Variants in PARD6G observed in about 807,000 individuals in gnomAD.
PARD6G encodes the protein partitioning defective 6 homolog gamma.
PARD6G carries 7 observed loss-of-function variants against 10.7 expected under a neutral mutation model. The ratio of observed to expected loss-of-function variants is 0.66; its 90% CI spans 0.37 to 1.23. The LOEUF (loss-of-function observed/expected upper bound fraction) is 1.23. Ranked by LOEUF, PARD6G falls within the 50% of genes most tolerant of loss-of-function variation. The pLI is 0.02. For missense variants in PARD6G, 548 were observed against 571.8 expected, an observed-to-expected ratio of 0.96 and a Z score of 0.42; for synonymous variants, 287 against 269.4, an observed-to-expected ratio of 1.07 and a Z score of -0.64.
In PARD6G at chr18:80,228,482, C is replaced by A. The variant is rs1286014801; in HGVS notation, c.72+18795G>T. On this transcript the variant is annotated intron_variant, in intron 1 of 2. Coordinates refer to ENST00000353265, the MANE Select transcript of PARD6G (RefSeq NM_032510.4). This position sits in a 1 kb window ranked among gnomAD's most constrained non-coding sequence, Gnocchi z 4.6. Reference sequence around the variant, plus strand: ...CACATTGTCTGCAAGGGGTCCCCACCCCCACAAGGCCCGCCCACCCCAGGC... The same window carrying A: ...CACATTGTCTGCAAGGGGTCCCCACACCCACAAGGCCCGCCCACCCCAGGC... Among the ~76,000 whole-genome samples the A allele has an allele frequency of 6.6e-6, 1 of 152,136 alleles. No homozygotes were observed. Among genetic ancestry groups the A allele is most frequent in the Non-Finnish European group, 1.5e-5 (1 of 68,008 alleles).
At chr18:80,172,600 G>T (rs887505219) in intron 2 of PARD6G, among the ~76,000 whole-genome samples, 1 of 152,144 alleles carries the variant, frequency 6.6e-6, no homozygotes, top group Non-Finnish European at 1.5e-5. Flanking sequence ...GGCCAGGCTG[G>T]TCTTGAACTC....
At chr18:80,243,976 C>T (rs904002071) in intron 1 of PARD6G, among the ~76,000 whole-genome samples, 1 of 152,096 alleles carries the variant, frequency 6.6e-6, no homozygotes, top group African/African-American at 2.4e-5. Context: ...CAAGCTCATG[C>T]GGACGACAGT....
At chr18:80,187,236 C>T (rs2052884850) in intron 2 of PARD6G, among the ~76,000 whole-genome samples, 1 of 152,188 alleles carries the variant, frequency 6.6e-6, no homozygotes, top group African/African-American at 2.4e-5. Flanking sequence ...CAGTGTCCTG[C>T]TCTGCCTGGC....
At chr18:80,217,522 A>G (rs551415094) in intron 1 of PARD6G, among the ~76,000 whole-genome samples, 5 of 152,360 alleles carry the variant, frequency 3.3e-5, no homozygotes, top group African/African-American at 1.2e-4. Context: ...TAATGTTGAT[A>G]GCATGTATCT....
In PARD6G at chr18:80,231,790, C is replaced by T. The variant is rs1008002336; in HGVS notation, c.72+15487G>A. On this transcript the variant is annotated intron_variant, in intron 1 of 2. Transcript: ENST00000353265. This position sits in a 1 kb window ranked among gnomAD's most constrained non-coding sequence, Gnocchi z 4.2. ...GTTTGTTCTCCCCCAGGCCTAGAGA[C>T]GGGTTCGGCATCTCACAGGCATCCA... Among the ~76,000 whole-genome samples the T allele has an allele frequency of 1.1e-4, 17 of 152,128 alleles. No homozygotes were observed. Among genetic ancestry groups the T allele is most frequent in the East Asian group, 3.9e-4 (2 of 5,180 alleles).
At chr18:80,165,756 T>C (rs1389052043) in intron 2 of PARD6G, among the ~76,000 whole-genome samples, 4 of 152,212 alleles carry the variant, frequency 2.6e-5, no homozygotes, top group Admixed American at 6.5e-5. Context: ...GGTGTTGAAC[T>C]GTTAACCTCC....
chr18:80,166,386 T>C (rs946844086), intron 2 of PARD6G, among the ~76,000 whole-genome samples: 4 of 151,358 alleles, frequency 2.6e-5, no homozygotes, highest in African/African-American at 9.7e-5. Context: ...GGCGACACAG[T>C]CTGGGGCACG....
Position 80,194,141 on chromosome 18 carries a change from C to T in PARD6G, c.295+8569G>A, listed in dbSNP as rs1035827097. Among the ~76,000 whole-genome samples the T allele has an allele frequency of 5.9e-5, 9 of 152,318 alleles. No homozygotes were observed. In the South Asian group the frequency reaches 8.3e-4, roughly 14 times the overall value. On this transcript the variant is annotated intron_variant, in intron 2 of 2. Coordinates refer to ENST00000353265, the MANE Select transcript of PARD6G (RefSeq NM_032510.4). ...TAATATAGGTATACAATTTCTACAA[C>T]GAGCTACTTTTCATTAGTGTATATT... is the stretch of plus-strand genomic sequence containing the variant.
rs1289421627 is a variant in PARD6G at position 80,165,260 on chromosome 18, GTATTAA to G, written c.296-4660_296-4655del. On this transcript the variant is annotated intron_variant, in intron 2 of 2. Coordinates refer to ENST00000353265, the MANE Select transcript of PARD6G (RefSeq NM_032510.4). ...CCTAGGAATGCATTCCTTTCCCAGG[GTATTAA>G]TATTAATATTCCTTGCTAAGAAAAG... Among the ~76,000 whole-genome samples, 6 of 152,200 alleles carry G rather than the reference GTATTAA, an allele frequency of 3.9e-5. No individual in the cohort carries two copies. The East Asian group carries it at 9.7e-4, about 24-fold the overall frequency.
chr18:80,159,795 C>A lies in PARD6G; in HGVS notation c.1107G>T (p.Glu369Asp). The stretch of plus-strand genomic sequence containing the variant: ...TCTAGAGCGTGACCGCGGGCCCGTG[C>A]TCCTCCACGCCGCCTGGCGGCAGCG... ...SLALPPGGVE[E>D]HGPAVTL The change falls in exon 3 of 3, where the codon GAG becomes GAT. Residue 369 changes from glutamate to aspartate, a missense_variant. By Grantham distance (45) the Glu-to-Asp change is conservative (BLOSUM62 2). Transcript: ENST00000353265. 1 of 1,447,700 alleles carries A rather than the reference C, an allele frequency of 6.9e-7. No individual in the cohort carries two copies. The highest frequency in any genetic ancestry group is 1.5e-5 in the South Asian group (1 of 67,816). The allele number at this position is 1,447,700 out of a possible 1,614,324, so 89.7% of individuals were successfully genotyped here.
intron 1 of PARD6G, among the ~76,000 whole-genome samples, chr18:80,224,949 T>G (rs1967275718): frequency 6.6e-6 from 1 of 152,166 alleles, no homozygotes; most frequent in African/African-American, 2.4e-5. Flanking sequence ...AGGCTGGAAC[T>G]AAGACCCTCA....
Position 80,227,918 on chromosome 18 carries a change from G to C in PARD6G, c.72+19359C>G, listed in dbSNP as rs543390896. On this transcript the variant is annotated intron_variant, in intron 1 of 2. Transcript: ENST00000353265. ...ACCAGACCACCAGGGCTTCAGAAAGGCCAGGAGGTTCACAGAAGTGTTCTC... is the reference window on the plus strand; with the variant it reads ...ACCAGACCACCAGGGCTTCAGAAAGCCCAGGAGGTTCACAGAAGTGTTCTC... Among the ~76,000 whole-genome samples, 74 of 152,220 alleles carry C rather than the reference G, an allele frequency of 4.9e-4. 2 individuals carry two copies. The highest frequency in any genetic ancestry group is 3.9e-3 in the Admixed American group (60 of 15,288).
intron 2 of PARD6G, 78 bp from the exon 3 acceptor site, chr18:80,160,684 G>C (rs2052694476): frequency 4.9e-6 from 7 of 1,420,538 alleles, no homozygotes; most frequent in Admixed American, 6.2e-5. Context: ...ACCTGGCACT[G>C]CTGTTCCATC....
At chr18:80,203,257 T>C (rs1019495842) in intron 1 of PARD6G, among the ~76,000 whole-genome samples, 2 of 152,214 alleles carry the variant, frequency 1.3e-5, no homozygotes, top group Non-Finnish European at 2.9e-5. Flanking sequence ...GAATTTAAAA[T>C]GTTGTATTAA....
intron 1 of PARD6G, among the ~76,000 whole-genome samples, chr18:80,205,483 G>A (rs1430184720): frequency 6.6e-6 from 1 of 152,172 alleles, no homozygotes; most frequent in Admixed American, 6.5e-5. Context: ...CTGGTGGGAG[G>A]TGACTGGATC....
chr18:80,171,356 C>G (rs890173255), intron 2 of PARD6G: 1 of 152,188 alleles, frequency 6.6e-6, no homozygotes, highest in Admixed American at 6.5e-5. Context: ...CAGGAGACAC[C>G]GGCGCATCCA....
intron 2 of PARD6G, among the ~76,000 whole-genome samples, chr18:80,190,978 G>C (rs1966892040): frequency 6.6e-6 from 1 of 152,126 alleles, no homozygotes; most frequent in Admixed American, 6.5e-5. Context: ...ACCCACCAGG[G>C]GCCAGACATT....
chr18:80,247,355 G>T lies in PARD6G; in HGVS notation c.-7C>A, dbSNP rs1202189131. 6.4e-7 allele frequency: 1 copy of T among 1,563,446 alleles called. No individual in the cohort carries two copies. The highest frequency in any genetic ancestry group is 8.7e-7 in the Non-Finnish European group (1 of 1,154,632). ...TGTGAAAACTTCGGTTCATGGTTTC[G>T]GCCCCGGTCAGCCTCGCCGTCGCCC... is the stretch of plus-strand genomic sequence containing the variant. On this transcript the variant is annotated 5_prime_UTR_variant, in exon 1 of 3. Transcript: ENST00000353265. The surrounding 1 kb of genome is among the most constrained non-coding windows in gnomAD (Gnocchi z 4.2).
intron 2 of PARD6G, chr18:80,168,728 A>G: frequency 5.9e-6 from 1 of 168,920 alleles, no homozygotes. Context: ...CTCATGCTTC[A>G]GCCTCCTGAG....
Sources: gnomAD v4.1 joint callset for allele counts (sites outside exome capture counted in the v4.1 genomes callset) on GRCh38, gnomAD v4.1.1 for gene constraint, Gnocchi (gnomAD v3.1) non-coding constraint, MANE v1.5 for transcripts, NCBI Gene and HGNC (gene_info 2026-07-23, HGNC 2026-07-21) for gene names.